The following ADGRG6 variants were observed in gnomAD, a reference collection of about 807,000 sequenced individuals.
ADGRG6 encodes G-protein coupled receptor 126.
In ADGRG6, 84 loss-of-function variants were observed where a neutral mutation model predicts 142.4. The observed-to-expected ratio is 0.59, with a 90% CI of 0.49 to 0.71. The LOEUF is 0.71. Ranked by LOEUF, ADGRG6 falls within the 30% of genes least tolerant of loss-of-function variation. The pLI, the probability that ADGRG6 is intolerant of heterozygous loss-of-function variation, is 0.00. For synonymous variants in ADGRG6, 521 were observed against 520.5 expected (o/e 1.00, Z -0.01); for missense variants, 1,367 against 1,466.6 (o/e 0.93, Z 1.11).
chr6:142,422,161 TTC>T (rs1030684785), intron 22 of ADGRG6, among the ~76,000 whole-genome samples: 3 of 147,828 alleles, frequency 2.0e-5, no homozygotes, highest in African/African-American at 5.3e-5. Flanking sequence ...ATCTAATTTT[TTC>T]TCTTTTTTTT....
chr6:142,306,781 G>A (rs1372560616), intron 1 of ADGRG6, among the ~76,000 whole-genome samples: 1 of 152,142 alleles, frequency 6.6e-6, no homozygotes, highest in East Asian at 1.9e-4. Flanking sequence ...AAATCTCAGG[G>A]ATATATCTTT....
rs78629926 is a variant in ADGRG6 at position 142,303,151 on chromosome 6, A to T, written c.2+820A>T. ...GAAGTTTCTTTTTCTTGTAATAGGTAATTTTCCTTCTGATGTTTTAGTTAA... is the reference window on the plus strand; with the variant it reads ...GAAGTTTCTTTTTCTTGTAATAGGTTATTTTCCTTCTGATGTTTTAGTTAA... On this transcript the variant is annotated intron_variant, in intron 1 of 24. Coordinates refer to ENST00000367609, the MANE Select transcript of ADGRG6 (RefSeq NM_198569.3). Among the ~76,000 whole-genome samples the T allele has an allele frequency of 8.9e-3, 1,354 of 152,236 alleles. 25 individuals carry two copies. Among genetic ancestry groups the T allele is most frequent in the African/African-American group, 0.031 (1,271 of 41,514 alleles).
chr6:142,348,072 A>C (rs1267508654), intron 2 of ADGRG6, among the ~76,000 whole-genome samples: 1 of 152,168 alleles, frequency 6.6e-6, no homozygotes, highest in Non-Finnish European at 1.5e-5. Flanking sequence ...ACAGAGAGCT[A>C]CTGTGATTAT....
At chr6:142,378,781 T>A (rs1371154962) in intron 4 of ADGRG6, among the ~76,000 whole-genome samples, 1 of 152,220 alleles carries the variant, frequency 6.6e-6, no homozygotes, top group Non-Finnish European at 1.5e-5. Context: ...AAAATCCCAA[T>A]GCAAAGTTAA....
Position 142,417,310 on chromosome 6 carries a change from C to T in ADGRG6, c.2976C>T (p.Ser992=). Residue 992 remains serine, a synonymous_variant, in exon 21 of 25, where the codon AGC becomes AGT. Transcript: ENST00000367609. ...PALVVSVVLA[S]RNNNEVYGKE... ...TAGTGGTGTCAGTTGTTCTAGCGAG[C>T]AGAAACAACAATGAAGTCTATGGAA... 6.2e-7 allele frequency: 1 copy of T among 1,605,008 alleles called. No homozygotes were observed. Among genetic ancestry groups the T allele is most frequent in the Non-Finnish European group, 8.5e-7 (1 of 1,173,330 alleles).
chr6:142,332,876 C>A (rs1779126399), intron 2 of ADGRG6, among the ~76,000 whole-genome samples: 3 of 152,190 alleles, frequency 2.0e-5, no homozygotes, highest in Middle Eastern at 3.2e-3. Flanking sequence ...CAGGTAAGGG[C>A]TTCTGTCAGA....
At chr6:142,406,080 A>C (rs772092989) in intron 15 of ADGRG6, among the ~76,000 whole-genome samples, 4 of 152,208 alleles carry the variant, frequency 2.6e-5, no homozygotes, top group Non-Finnish European at 5.9e-5. Flanking sequence ...AAACAATTAG[A>C]AATTGAATTA....
intron 22 of ADGRG6, among the ~76,000 whole-genome samples, chr6:142,433,412 T>C (rs1053357376): frequency 6.6e-6 from 1 of 152,188 alleles, no homozygotes; most frequent in African/African-American, 2.4e-5. Flanking sequence ...ATTGACTGTA[T>C]TGGCAACCTG....
At chr6:142,402,594 G>A in intron 12 of ADGRG6, 26 bp from the exon 13 acceptor site, 2 of 1,202,706 alleles carry the variant, frequency 1.7e-6, no homozygotes, top group South Asian at 1.3e-5. Flanking sequence ...AAAACTTAGT[G>A]TTGTTTTCTT....
Position 142,382,035 on chromosome 6 carries a change from C to A in ADGRG6, c.1138+16C>A. On this transcript the variant is annotated intron_variant, in intron 5 of 24. Coordinates refer to ENST00000367609, the MANE Select transcript of ADGRG6 (RefSeq NM_198569.3). ...CTCTGTCAAGGTAGGGAGCCCACAC[C>A]GTGCTCTGGAATCTCTTTGCTTTCT... 6.6e-7 allele frequency: 1 copy of A among 1,519,420 alleles called. No individual in the cohort carries two copies. The allele number at this position is 1,519,420 out of a possible 1,614,324, so 94.1% of individuals were successfully genotyped here.
At chr6:142,394,662 G>A (rs1775078720) in intron 9 of ADGRG6, among the ~76,000 whole-genome samples, 1 of 149,670 alleles carries the variant, frequency 6.7e-6, no homozygotes, top group East Asian at 2.0e-4. Context: ...ACTCACTGCA[G>A]CCTTGAACTC....
At chr6:142,402,385 C>T (rs1216151898) in intron 12 of ADGRG6, among the ~76,000 whole-genome samples, 1 of 152,056 alleles carries the variant, frequency 6.6e-6, no homozygotes, top group Admixed American at 6.6e-5. Context: ...TCTCTTAGAA[C>T]TTTGTGTGTT....
At position 142,402,718 on chromosome 6, in the gene ADGRG6, A is replaced by T; in HGVS notation, c.1843A>T (p.Arg615Ter). ...NITNIVEQVK[R>*]IVNKEENIDI... ...TACCAACATTGTGGAACAGGTCAAA[A>T]GAATTGTGAATAAAGAAGAAAACAT... Residue 615 changes from arginine to a stop codon, truncating the protein, a stop_gained, in exon 13 of 25, where the codon AGA (arginine) becomes TGA (stop). Transcript: ENST00000367609. LOFTEE classifies it high-confidence loss of function. The T allele has an allele frequency of 6.2e-7, 1 of 1,602,648 alleles. No homozygotes were observed. Among genetic ancestry groups the T allele is most frequent in the Non-Finnish European group, 8.5e-7 (1 of 1,170,044 alleles).
At chr6:142,333,265 AAG>A (rs1193952926) in intron 2 of ADGRG6, among the ~76,000 whole-genome samples, 1 of 152,142 alleles carries the variant, frequency 6.6e-6, no homozygotes, top group Non-Finnish European at 1.5e-5. Flanking sequence ...TGGTTAGAAA[AAG>A]AGCACTGTCT....
chr6:142,409,964 AT>A (rs1374133172), intron 17 of ADGRG6, 45 bp downstream of exon 17: 1 of 840,768 alleles, frequency 1.2e-6, no homozygotes, highest in Non-Finnish European at 1.9e-6. Context: ...TAACAACTGA[AT>A]TTTAAACATT....
At chr6:142,422,462 A>G (rs1407644612) in intron 22 of ADGRG6, among the ~76,000 whole-genome samples, 43 of 152,182 alleles carry the variant, frequency 2.8e-4, no homozygotes, top group Admixed American at 1.7e-3. Flanking sequence ...ATGATTTCCA[A>G]TTTCATCCAT....
chr6:142,350,905 A>C (rs1780140542), intron 2 of ADGRG6, among the ~76,000 whole-genome samples: 1 of 152,194 alleles, frequency 6.6e-6, no homozygotes, highest in Non-Finnish European at 1.5e-5. Context: ...TACAGAACCA[A>C]ATAAGAGTCT....
At chr6:142,320,413 A>G (rs1371000564) in intron 2 of ADGRG6, among the ~76,000 whole-genome samples, 1 of 152,088 alleles carries the variant, frequency 6.6e-6, no homozygotes, top group Non-Finnish European at 1.5e-5. Flanking sequence ...TAATAATGGG[A>G]GTGAAAATAA....
intron 4 of ADGRG6, among the ~76,000 whole-genome samples, chr6:142,380,133 G>A (rs2114921164): frequency 6.6e-6 from 1 of 152,256 alleles, no homozygotes; most frequent in African/African-American, 2.4e-5. Flanking sequence ...TAAATAAAGG[G>A]TTGTGGATAC....
Sources: gnomAD v4.1 joint callset for allele counts (sites outside exome capture counted in the v4.1 genomes callset) on GRCh38, gnomAD v4.1.1 for gene constraint, MANE v1.5 for transcripts, NCBI Gene and HGNC (gene_info 2026-07-23, HGNC 2026-07-21) for gene names.